NBAS: variants seen among roughly 807,000 people sequenced by gnomAD.
NBAS encodes NBAS subunit of NRZ tethering complex.
In NBAS, 219 loss-of-function variants were observed where a neutral mutation model predicts 302.5. The ratio of observed to expected loss-of-function variants is 0.72; its 90% CI spans 0.65 to 0.81. NBAS has a LOEUF of 0.81. Ranked by LOEUF, NBAS falls within the 30% of genes least tolerant of loss-of-function variation. NBAS has a pLI of 0.00. For synonymous variants in NBAS, 1,118 were observed against 1,021.6 expected, an observed-to-expected ratio of 1.09 and a Z score of -1.80; for missense variants, 2,932 against 2,841.6, an observed-to-expected ratio of 1.03 and a Z score of -0.72.
intron 2 of NBAS, among the ~76,000 whole-genome samples, chr2:15,558,273 T>C (rs1664736320): frequency 6.6e-6 from 1 of 152,200 alleles, no homozygotes; most frequent in South Asian, 2.1e-4. Flanking sequence ...ATGCAGCCTG[T>C]TTCCTAACAG....
At chr2:15,265,058 T>C (rs1281496184) in intron 44 of NBAS, among the ~76,000 whole-genome samples, 1 of 152,216 alleles carries the variant, frequency 6.6e-6, no homozygotes, top group Admixed American at 6.5e-5. Context: ...ACTTGTCTTT[T>C]GAGGGACTCT....
chr2:14,869,433 G>A, the NBAS span, among the ~76,000 whole-genome samples: 1,007 of 152,186 alleles, frequency 6.6e-3, 10 homozygotes, highest in African/African-American at 0.023. Flanking sequence ...TCGTGGTACC[G>A]GATTAAACAT....
At chr2:15,317,064 T>C (rs1422545511) in intron 38 of NBAS, among the ~76,000 whole-genome samples, 1 of 152,194 alleles carries the variant, frequency 6.6e-6, no homozygotes, top group Non-Finnish European at 1.5e-5. Flanking sequence ...TGCTGCAATA[T>C]TTGCTGTTCT....
chr2:15,478,436 G>A, intron 12 of NBAS, 147 bp from the exon 13 acceptor site: 1 of 686,492 alleles, frequency 1.5e-6, no homozygotes, highest in Non-Finnish European at 2.5e-6. Context: ...TTATTGCCAT[G>A]ATAGTCTGGA....
intron 38 of NBAS, among the ~76,000 whole-genome samples, chr2:15,310,150 T>C (rs557218033): frequency 3.8e-4 from 58 of 152,292 alleles, no homozygotes; most frequent in African/African-American, 1.4e-3. Flanking sequence ...GACATTTAAG[T>C]TGTTTGTATA....
At chr2:15,175,385 G>C (rs1392800692) in intron 51 of NBAS, among the ~76,000 whole-genome samples, 1 of 152,172 alleles carries the variant, frequency 6.6e-6, no homozygotes, top group Non-Finnish European at 1.5e-5. Flanking sequence ...AAGCAATGAA[G>C]AGCAGGAGCC....
At chr2:15,098,984 C>T in the NBAS span, among the ~76,000 whole-genome samples, 1 of 151,688 alleles carries the variant, frequency 6.6e-6, no homozygotes, top group African/African-American at 2.4e-5. Context: ...TACACACACA[C>T]ACACATATAT....
At chr2:15,482,387 G>T (rs758564698) in intron 12 of NBAS, among the ~76,000 whole-genome samples, 13 of 152,154 alleles carry the variant, frequency 8.5e-5, no homozygotes, top group Non-Finnish European at 1.6e-4. Context: ...CAAAGTGCTG[G>T]GATTACTGGA....
intron 40 of NBAS, among the ~76,000 whole-genome samples, chr2:15,301,869 T>C (rs542586167): frequency 9.2e-5 from 14 of 152,136 alleles, no homozygotes; most frequent in South Asian, 6.2e-4. Flanking sequence ...GGCTGCAGCA[T>C]GGAAGGATGA....
At chr2:15,005,715 G>A in the NBAS span, among the ~76,000 whole-genome samples, 5 of 152,202 alleles carry the variant, frequency 3.3e-5, no homozygotes, top group Non-Finnish European at 7.3e-5. Flanking sequence ...GAAAACATGT[G>A]ACCCTAAACA....
chr2:15,360,912 G>A (rs569947005), intron 32 of NBAS, among the ~76,000 whole-genome samples: 46 of 152,084 alleles, frequency 3.0e-4, no homozygotes, highest in South Asian at 8.3e-4. Flanking sequence ...ATAAACAGGA[G>A]GCGCATCTTT....
chr2:15,235,914 G>T (rs1258517056), intron 45 of NBAS, among the ~76,000 whole-genome samples: 4 of 152,154 alleles, frequency 2.6e-5, no homozygotes, highest in Admixed American at 6.5e-5. Flanking sequence ...GGGAACTGAG[G>T]CTCTGTAGGA....
At chr2:15,247,812 T>A (rs1386672919) in intron 44 of NBAS, among the ~76,000 whole-genome samples, 1 of 151,492 alleles carries the variant, frequency 6.6e-6, no homozygotes, top group African/African-American at 2.4e-5. Context: ...TAAAGCAAGT[T>A]CCTAGAGACC....
the NBAS span, among the ~76,000 whole-genome samples, chr2:14,799,158 CTCT>C: frequency 6.6e-6 from 1 of 151,830 alleles, no homozygotes; most frequent in African/African-American, 2.4e-5. Flanking sequence ...TTATTTGAGA[CTCT>C]TCTTATTTCA....
At chr2:15,401,395 A>T (rs1007505046) in intron 26 of NBAS, among the ~76,000 whole-genome samples, 1 of 152,266 alleles carries the variant, frequency 6.6e-6, no homozygotes, top group Non-Finnish European at 1.5e-5. Flanking sequence ...GAAAAGAGGG[A>T]GAAGATAAAA....
the NBAS span, among the ~76,000 whole-genome samples, chr2:14,808,426 G>A: frequency 6.6e-6 from 1 of 152,172 alleles, no homozygotes; most frequent in Non-Finnish European, 1.5e-5. Context: ...GACCTAGTGG[G>A]AAATCATTGA....
At chr2:15,233,289 T>G (rs1449798901) in intron 46 of NBAS, among the ~76,000 whole-genome samples, 1 of 152,206 alleles carries the variant, frequency 6.6e-6, no homozygotes, top group Non-Finnish European at 1.5e-5. Context: ...GTCTTCTGTG[T>G]GCCAAGTATA....
At chr2:14,983,593 CA>C in the NBAS span, among the ~76,000 whole-genome samples, 1 of 152,010 alleles carries the variant, frequency 6.6e-6, no homozygotes, top group East Asian at 1.9e-4. Context: ...ATTTTATCAA[CA>C]AAAAATACAA....
At chr2:15,558,479 G>A in intron 2 of NBAS, 101 bp downstream of exon 2, 1 of 812,258 alleles carries the variant, frequency 1.2e-6, no homozygotes, top group Non-Finnish European at 2.0e-6. Flanking sequence ...ATTAAACTCA[G>A]ATAACACACA....
Sources: gnomAD v4.1 joint callset for allele counts (sites outside exome capture counted in the v4.1 genomes callset) on GRCh38, gnomAD v4.1.1 for gene constraint, MANE v1.5 for transcripts, NCBI Gene and HGNC (gene_info 2026-07-23, HGNC 2026-07-21) for gene names.